WNT2: variants seen among roughly 807,000 people sequenced by gnomAD.
WNT2 encodes protein Wnt-2.
A neutral mutation model predicts 36.9 loss-of-function variants in WNT2; 12 were observed. That is an observed-to-expected ratio of 0.33 (90% confidence interval 0.21 to 0.53). The LOEUF is 0.53. WNT2 is among the 20% of genes least tolerant of loss of function. The pLI is 0.95. For synonymous variants in WNT2, 163 were observed against 174.6 expected, an observed-to-expected ratio of 0.93 and a Z score of 0.52; for missense variants, 379 against 473.1, an observed-to-expected ratio of 0.80 and a Z score of 1.84.
In WNT2 at chr7:117,315,128, C is replaced by T. The variant is rs746829775; in HGVS notation, c.531G>A (p.Arg177=). 1 of 1,614,238 alleles carries T rather than the reference C, an allele frequency of 6.2e-7. No individual in the cohort carries two copies. Among genetic ancestry groups the T allele is most frequent in the Non-Finnish European group, 8.5e-7 (1 of 1,180,040 alleles). ...TCAGGGCTCTGGCATCCTTTCCTTTCCTTTCCTTTGCATCCACAAATGCGC... is the reference window on the plus strand; with the variant it reads ...TCAGGGCTCTGGCATCCTTTCCTTTTCTTTCCTTTGCATCCACAAATGCGC... The part of the protein sequence containing the change: ...FARAFVDAKE[R]KGKDARALMN... Residue 177 remains arginine, a synonymous_variant, in exon 3 of 5, where the codon AGG becomes AGA. Transcript: ENST00000265441.
At chr7:117,318,524 T>C (rs963134349) in intron 2 of WNT2, among the ~76,000 whole-genome samples, 2 of 152,246 alleles carry the variant, frequency 1.3e-5, no homozygotes, top group African/African-American at 2.4e-5. Context: ...GAATCTCTTA[T>C]TTACCTGAGG....
chr7:117,298,596 G>A (rs542444515), intron 3 of WNT2, among the ~76,000 whole-genome samples: 4 of 152,240 alleles, frequency 2.6e-5, no homozygotes, highest in Admixed American at 6.5e-5. Flanking sequence ...AGCTCATCTC[G>A]GCTGGCTCCC....
intron 3 of WNT2, among the ~76,000 whole-genome samples, chr7:117,298,140 C>T (rs1270515880): frequency 6.6e-6 from 1 of 152,142 alleles, no homozygotes; most frequent in Non-Finnish European, 1.5e-5. Flanking sequence ...ACAGAAACCT[C>T]ACAATTTAAC....
intron 2 of WNT2, 58 bp from the exon 3 acceptor site, chr7:117,315,406 T>C (rs1795198252): frequency 1.3e-6 from 2 of 1,517,916 alleles, no homozygotes; most frequent in Admixed American, 4.1e-5. Context: ...TGAATAACTT[T>C]CATATGACAA....
chr7:117,281,886 A>G (rs537546262), intron 4 of WNT2, among the ~76,000 whole-genome samples: 2 of 152,294 alleles, frequency 1.3e-5, no homozygotes, highest in South Asian at 4.1e-4. Flanking sequence ...TGGATGACAT[A>G]GATGAATGTG....
At chr7:117,292,750 A>G (rs1421879228) in intron 4 of WNT2, among the ~76,000 whole-genome samples, 1 of 152,182 alleles carries the variant, frequency 6.6e-6, no homozygotes, top group Non-Finnish European at 1.5e-5. Flanking sequence ...CTAGGAGTGA[A>G]AGAATGACTC....
chr7:117,319,745 T>C (rs1795290361), intron 2 of WNT2, among the ~76,000 whole-genome samples: 1 of 152,234 alleles, frequency 6.6e-6, no homozygotes, highest in African/African-American at 2.4e-5. Flanking sequence ...ACTTTCCATA[T>C]TCAGAACTTT....
intron 4 of WNT2, among the ~76,000 whole-genome samples, chr7:117,294,842 G>A (rs1794758622): frequency 1.3e-5 from 2 of 152,214 alleles, no homozygotes; most frequent in Non-Finnish European, 1.5e-5. Context: ...TGTAATCCCA[G>A]CACTTTGGGA....
chr7:117,323,029 G>A lies in WNT2; in HGVS notation c.-40C>T, dbSNP rs370460320. On this transcript the variant is annotated 5_prime_UTR_variant, in exon 1 of 5. Transcript: ENST00000265441. The stretch of plus-strand genomic sequence containing the variant: ...GTCTGCATCAGGTCAGACTCCGTGT[G>A]CGGGCGCCATGCGTGCCCAGAGCAG... 6.4e-5 allele frequency: 100 copies of A among 1,565,900 alleles called. No homozygotes were observed. The highest frequency in any genetic ancestry group is 7.8e-5 in the Non-Finnish European group (90 of 1,154,732).
At chr7:117,304,172 A>G (rs1294587946) in intron 3 of WNT2, among the ~76,000 whole-genome samples, 1 of 152,218 alleles carries the variant, frequency 6.6e-6, no homozygotes, top group Non-Finnish European at 1.5e-5. Flanking sequence ...TTGGCTGGGT[A>G]TAGAATTCTG....
intron 4 of WNT2, among the ~76,000 whole-genome samples, chr7:117,290,937 G>A (rs750255584): frequency 1.3e-5 from 2 of 152,238 alleles, no homozygotes; most frequent in African/African-American, 2.4e-5. Flanking sequence ...TAGTATCTAA[G>A]TAAGATCCAC....
chr7:117,288,924 G>A (rs1171011797), intron 4 of WNT2, among the ~76,000 whole-genome samples: 1 of 152,038 alleles, frequency 6.6e-6, no homozygotes, highest in Non-Finnish European at 1.5e-5. Flanking sequence ...ATGAGAATTA[G>A]GAACTACTCA....
Position 117,320,314 on chromosome 7 carries a change from T to C in WNT2, c.310+253A>G, listed in dbSNP as rs1031407999. 8.5e-5 allele frequency among the ~76,000 whole-genome samples: 13 copies of C among 152,206 alleles called. 1 individual carries two copies. Among genetic ancestry groups the C allele is most frequent in the African/African-American group, 2.2e-4 (9 of 41,448 alleles). On this transcript the variant is annotated intron_variant, in intron 2 of 4. Coordinates refer to ENST00000265441, the MANE Select transcript of WNT2 (RefSeq NM_003391.3). ...TGGAGGATGTGCCATATTGGAGTGATGGACAGAGCAAAGAGTGAAAAGACA... is the reference window on the plus strand; with the variant it reads ...TGGAGGATGTGCCATATTGGAGTGACGGACAGAGCAAAGAGTGAAAAGACA...
chr7:117,310,973 T>C (rs1562829980), intron 3 of WNT2, among the ~76,000 whole-genome samples: 3 of 152,240 alleles, frequency 2.0e-5, no homozygotes, highest in East Asian at 3.8e-4. Context: ...GGGGCTGCTT[T>C]GTTTTATTCT....
intron 3 of WNT2, among the ~76,000 whole-genome samples, chr7:117,303,378 G>T: frequency 6.6e-6 from 1 of 152,242 alleles, no homozygotes; most frequent in Admixed American, 6.5e-5. Context: ...AGGAAAATGT[G>T]TCACCAGTGA....
At chr7:117,319,530 G>C (rs2239957) in intron 2 of WNT2, among the ~76,000 whole-genome samples, 16,917 of 146,512 alleles carry the variant, frequency 0.12, 1,546 homozygotes, top group East Asian at 0.45. Flanking sequence ...ATTGGGGGGG[G>C]GGGTAGGCAA....
chr7:117,295,424 G>A (rs17139625), intron 4 of WNT2, among the ~76,000 whole-genome samples: 23,057 of 152,208 alleles, frequency 0.15, 2,352 homozygotes, highest in East Asian at 0.43. Flanking sequence ...AAAAAGCGGA[G>A]TACGCAAGAA....
intron 4 of WNT2, among the ~76,000 whole-genome samples, chr7:117,287,893 C>A (rs546464794): frequency 7.6e-4 from 115 of 152,146 alleles, no homozygotes; most frequent in African/African-American, 2.7e-3. Flanking sequence ...GAGGCTGAGG[C>A]AGGAGAATCG....
chr7:117,289,433 G>A (rs972808952), intron 4 of WNT2, among the ~76,000 whole-genome samples: 3 of 152,056 alleles, frequency 2.0e-5, no homozygotes, highest in Admixed American at 6.6e-5. Context: ...TCATGAATGC[G>A]CCTGAATATG....
Sources: gnomAD v4.1 joint callset for allele counts (sites outside exome capture counted in the v4.1 genomes callset) on GRCh38, gnomAD v4.1.1 for gene constraint, MANE v1.5 for transcripts, NCBI Gene and HGNC (gene_info 2026-07-23, HGNC 2026-07-21) for gene names.